Variants in DAP observed in about 807,000 individuals in gnomAD.
The protein encoded by DAP is death-associated protein 1.
DAP carries 8 observed loss-of-function variants against 13.8 expected under a neutral mutation model. The ratio of observed to expected loss-of-function variants is 0.58; its 90% CI spans 0.34 to 1.05. The LOEUF is 1.05. DAP is among the 50% of genes least tolerant of loss of function. The pLI, the probability that DAP is intolerant of heterozygous loss-of-function variation, is 0.03. For synonymous variants in DAP, 47 were observed against 47.5 expected, an observed-to-expected ratio of 0.99 and a Z score of 0.04; for missense variants, 106 against 133.2, an observed-to-expected ratio of 0.80 and a Z score of 1.01.
intron 2 of DAP, among the ~76,000 whole-genome samples, chr5:10,723,437 ATTCAG>A (rs1367451172): frequency 6.6e-6 from 1 of 152,248 alleles, no homozygotes; most frequent in Non-Finnish European, 1.5e-5. Flanking sequence ...TGTAAGAACA[ATTCAG>A]TGGCTACAAA....
chr5:10,721,540 A>G (rs1266999440), intron 2 of DAP, among the ~76,000 whole-genome samples: 1 of 152,238 alleles, frequency 6.6e-6, no homozygotes, highest in African/African-American at 2.4e-5. Context: ...AAGGAAGAGT[A>G]TGCATGGAAT....
rs1433783361 is a variant in DAP at position 10,707,654 on chromosome 5, G to T, written c.153-24083C>A. ...GTACAGGTGGTGTGATGCACGGGTG[G>T]TGTGATTTGCGATCAGTGTGGTGCA... On this transcript the variant is annotated intron_variant, in intron 2 of 3. Coordinates refer to ENST00000230895, the MANE Select transcript of DAP (RefSeq NM_004394.3). The surrounding 1 kb of genome is among the most constrained non-coding windows in gnomAD (Gnocchi z 4.0). 2.6e-5 allele frequency among the ~76,000 whole-genome samples: 4 copies of T among 151,564 alleles called. No individual in the cohort carries two copies. The highest frequency in any genetic ancestry group is 2.6e-4 in the Admixed American group (4 of 15,236).
chr5:10,753,054 G>A (rs1740087565), intron 1 of DAP, among the ~76,000 whole-genome samples: 1 of 152,148 alleles, frequency 6.6e-6, no homozygotes, highest in East Asian at 1.9e-4. Flanking sequence ...TAAAGCACCT[G>A]CCCATCGTGG....
intron 2 of DAP, among the ~76,000 whole-genome samples, chr5:10,717,216 T>C (rs1015488690): frequency 6.6e-6 from 1 of 152,210 alleles, no homozygotes; most frequent in African/African-American, 2.4e-5. Flanking sequence ...AAGCAGATAC[T>C]GAACCTCAAA....
intron 2 of DAP, among the ~76,000 whole-genome samples, chr5:10,720,389 T>G (rs1277639187): frequency 6.6e-6 from 1 of 151,994 alleles, no homozygotes; most frequent in Non-Finnish European, 1.5e-5. Context: ...ACAAAGAAAT[T>G]TGGGGAAGAG....
intron 2 of DAP, among the ~76,000 whole-genome samples, chr5:10,729,737 C>T (rs1365107668): frequency 6.6e-6 from 1 of 152,222 alleles, no homozygotes; most frequent in Non-Finnish European, 1.5e-5. Flanking sequence ...CTTGCCCATA[C>T]ATCCTGAAGC....
intron 2 of DAP, among the ~76,000 whole-genome samples, chr5:10,700,092 G>A (rs558851711): frequency 9.2e-5 from 14 of 152,318 alleles, no homozygotes; most frequent in Admixed American, 3.3e-4. Flanking sequence ...GGGCCCCTCC[G>A]CGGGCAGGAT....
At chr5:10,704,171 T>A (rs979672590) in intron 2 of DAP, among the ~76,000 whole-genome samples, 4 of 152,318 alleles carry the variant, frequency 2.6e-5, no homozygotes, top group Non-Finnish European at 5.9e-5. Flanking sequence ...TTTTTCAAGT[T>A]TTATAAAGGC....
At chr5:10,723,899 G>C (rs913158833) in intron 2 of DAP, among the ~76,000 whole-genome samples, 3 of 152,150 alleles carry the variant, frequency 2.0e-5, no homozygotes, top group African/African-American at 7.2e-5. Context: ...GTATCTTAGG[G>C]GACTGTCTGC....
Position 10,683,535 on chromosome 5 carries a change from G to C in DAP, c.189C>G (p.Ile63Met). ...PKPTVFISGVIARGDKDFPPA... is the reference protein window; with the variant it reads ...PKPTVFISGVMARGDKDFPPA... ...CAGACACTCCCAGACTTACCCGGGC[G>C]ATGACCCCAGAGATGAACACAGTGG... is the stretch of plus-strand genomic sequence containing the variant. The change falls in exon 3 of 4, where the codon ATC becomes ATG. Residue 63 changes from isoleucine (I) to methionine (M), a missense_variant. Coordinates refer to ENST00000230895, the MANE Select transcript of DAP (RefSeq NM_004394.3). The C allele has an allele frequency of 6.2e-7, 1 of 1,614,050 alleles. No homozygotes were observed. Among genetic ancestry groups the C allele is most frequent in the Non-Finnish European group, 8.5e-7 (1 of 1,180,006 alleles).
intron 2 of DAP, among the ~76,000 whole-genome samples, chr5:10,692,243 T>G (rs1738326079): frequency 6.6e-6 from 1 of 152,198 alleles, no homozygotes; most frequent in South Asian, 2.1e-4. Flanking sequence ...CTTTTAACAT[T>G]CTTTTGTGTT....
At chr5:10,719,413 G>A (rs1172160830) in intron 2 of DAP, among the ~76,000 whole-genome samples, 1 of 152,210 alleles carries the variant, frequency 6.6e-6, no homozygotes. Context: ...GTGCTGTTTG[G>A]AGCCTACAGC....
At chr5:10,760,940 C>A (rs1202657390) in intron 1 of DAP, 74 bp downstream of exon 1, 3 of 986,480 alleles carry the variant, frequency 3.0e-6, no homozygotes, top group East Asian at 8.4e-5. Flanking sequence ...CCCCGCGGAG[C>A]CCCCGCCCGG....
At chr5:10,743,941 G>T (rs1389859535) in intron 2 of DAP, among the ~76,000 whole-genome samples, 1 of 152,122 alleles carries the variant, frequency 6.6e-6, no homozygotes, top group Admixed American at 6.6e-5. Context: ...GGTAGCATAA[G>T]AAATTACGTT....
intron 2 of DAP, among the ~76,000 whole-genome samples, chr5:10,703,770 G>A (rs983986621): frequency 2.0e-5 from 3 of 152,214 alleles, no homozygotes; most frequent in Non-Finnish European, 4.4e-5. Flanking sequence ...CAGCAGCCTG[G>A]GTGTGGGGGG....
chr5:10,695,414 T>C (rs2930047), intron 2 of DAP, among the ~76,000 whole-genome samples: 75,505 of 152,176 alleles, frequency 0.5, 20,752 homozygotes, highest in East Asian at 0.75. Flanking sequence ...AAACTCAACT[T>C]CAGTGTCGTA....
intron 2 of DAP, among the ~76,000 whole-genome samples, chr5:10,720,433 C>G (rs1739106857): frequency 6.6e-6 from 1 of 152,180 alleles, no homozygotes; most frequent in Non-Finnish European, 1.5e-5. Flanking sequence ...TGGTCAAAAA[C>G]TGTGAAGATA....
At chr5:10,686,731 T>C (rs899955918) in intron 2 of DAP, among the ~76,000 whole-genome samples, 1 of 152,136 alleles carries the variant, frequency 6.6e-6, no homozygotes, top group African/African-American at 2.4e-5. Flanking sequence ...CTCCAGAAGA[T>C]AAAAGTGCAA....
chr5:10,688,257 T>TC (rs1463231237), intron 2 of DAP, among the ~76,000 whole-genome samples: 1 of 151,930 alleles, frequency 6.6e-6, no homozygotes, highest in African/African-American at 2.4e-5. Context: ...ACTCCAACCT[T>TC]CAGCAACCAC....
Sources: allele counts gnomAD v4.1 joint callset (sites outside exome capture counted in the v4.1 genomes callset), GRCh38; gene constraint gnomAD v4.1.1; non-coding constraint Gnocchi (gnomAD v3.1); transcripts MANE v1.5; gene names NCBI Gene and HGNC (gene_info 2026-07-23, HGNC 2026-07-21).